PDE4D: variants seen among roughly 807,000 people sequenced by gnomAD.
PDE4D encodes phosphodiesterase 4D.
Under a neutral mutation model 87.4 loss-of-function variants are expected in PDE4D, and 24 were observed. The observed-to-expected ratio is 0.27, with a 90% CI of 0.20 to 0.39. The LOEUF (loss-of-function observed/expected upper bound fraction) is 0.39, where lower values mean the gene tolerates loss of function less well. PDE4D is among the 10% of genes least tolerant of loss of function. The pLI, the probability that PDE4D is intolerant of heterozygous loss-of-function variation, is 1.00. For synonymous variants in PDE4D, 384 were observed against 383.2 expected (o/e 1.00, Z -0.02); for missense variants, 714 against 1,041.0 (o/e 0.69, Z 4.32).
intron 1 of PDE4D, among the ~76,000 whole-genome samples, chr5:60,260,684 T>A (rs1405221640): frequency 1.3e-5 from 2 of 152,086 alleles, no homozygotes; most frequent in African/African-American, 4.8e-5. Flanking sequence ...TTTACATGGA[T>A]GCAGCGCTGT....
intron 1 of PDE4D, among the ~76,000 whole-genome samples, chr5:59,736,133 T>A (rs1224144810): frequency 1.3e-5 from 2 of 150,868 alleles, no homozygotes; most frequent in African/African-American, 2.4e-5. Flanking sequence ...AATAATAAAT[T>A]AATTAATTAA....
intron 1 of PDE4D, among the ~76,000 whole-genome samples, chr5:59,824,656 A>G (rs548270314): frequency 6.6e-6 from 1 of 152,342 alleles, no homozygotes; most frequent in African/African-American, 2.4e-5. Context: ...CTTATTTAAT[A>G]ATGTAAGTAT....
chr5:60,426,244 G>C (rs191029505), intron 1 of PDE4D, among the ~76,000 whole-genome samples: 2 of 152,072 alleles, frequency 1.3e-5, no homozygotes, highest in African/African-American at 4.8e-5. Flanking sequence ...TGTCTATTGC[G>C]GCACTATTCA....
intron 1 of PDE4D, among the ~76,000 whole-genome samples, chr5:60,257,524 C>CCTT (rs1749218650): frequency 6.6e-6 from 1 of 151,852 alleles, no homozygotes; most frequent in South Asian, 2.1e-4. Flanking sequence ...TCAAAGGAGC[C>CCTT]CTTAGCTTAT....
At chr5:60,300,836 G>A (rs754821114) in intron 1 of PDE4D, among the ~76,000 whole-genome samples, 4 of 151,724 alleles carry the variant, frequency 2.6e-5, no homozygotes, top group Admixed American at 1.3e-4. Context: ...GCAGTGGCAC[G>A]ATCTCAGCTC....
intron 1 of PDE4D, among the ~76,000 whole-genome samples, chr5:59,571,517 C>T (rs540353202): frequency 1.3e-5 from 2 of 152,290 alleles, no homozygotes; most frequent in East Asian, 1.9e-4. Flanking sequence ...CTTCAATATT[C>T]TTTTGAAGTG....
rs190046621 is a variant in PDE4D at position 59,154,816 on chromosome 5, G to A, written c.808+25779C>T. On this transcript the variant is annotated intron_variant, in intron 5 of 14. Coordinates refer to ENST00000340635, the MANE Select transcript of PDE4D (RefSeq NM_001104631.2). ...CACAAGAATTGCTTGAACCCAGGAG[G>A]TGGAGGTTACAGTGAGCTTAAATCT... 2.0e-3 allele frequency among the ~76,000 whole-genome samples: 304 copies of A among 152,276 alleles called. 2 individuals carry two copies. Among genetic ancestry groups the A allele is most frequent in the African/African-American group, 6.8e-3 (284 of 41,566 alleles).
intron 1 of PDE4D, among the ~76,000 whole-genome samples, chr5:60,402,667 G>A (rs1055645589): frequency 6.6e-6 from 1 of 152,180 alleles, no homozygotes; most frequent in African/African-American, 2.4e-5. Context: ...ACCCAGTTTT[G>A]AAGATCACGT....
At chr5:59,281,961 A>G (rs73110711) in intron 1 of PDE4D, among the ~76,000 whole-genome samples, 3,478 of 152,310 alleles carry the variant, frequency 0.023, 135 homozygotes, top group African/African-American at 0.078. Context: ...TCCATCATCA[A>G]TTCTTTCAAA....
chr5:59,771,427 AAAAGAAAAAG>A (rs1377966218), intron 1 of PDE4D, among the ~76,000 whole-genome samples: 1 of 122,214 alleles, frequency 8.2e-6, no homozygotes, highest in Non-Finnish European at 1.7e-5. Context: ...GAAAGAAAGA[AAAAGAAAAAG>A]AAAGAAAGAA....
intron 1 of PDE4D, among the ~76,000 whole-genome samples, chr5:59,664,448 A>AAC (rs1216137180): frequency 6.6e-6 from 1 of 152,220 alleles, no homozygotes; most frequent in Admixed American, 6.5e-5. Flanking sequence ...CATATATATT[A>AAC]TTTCATTTTA....
intron 1 of PDE4D, among the ~76,000 whole-genome samples, chr5:59,229,326 T>C (rs1754611172): frequency 6.6e-6 from 1 of 152,208 alleles, no homozygotes; most frequent in Non-Finnish European, 1.5e-5. Flanking sequence ...CTACTTTAAA[T>C]AAACTTCATA....
chr5:59,351,833 G>T (rs1209511665), intron 1 of PDE4D, among the ~76,000 whole-genome samples: 1 of 152,044 alleles, frequency 6.6e-6, no homozygotes, highest in Non-Finnish European at 1.5e-5. Flanking sequence ...AACAAATTAC[G>T]TGGTGTTCTG....
intron 1 of PDE4D, among the ~76,000 whole-genome samples, chr5:59,252,818 C>T (rs1450191346): frequency 6.6e-6 from 1 of 152,130 alleles, no homozygotes; most frequent in African/African-American, 2.4e-5. Flanking sequence ...TGAGCTACTG[C>T]ACCCACCCAG....
intron 1 of PDE4D, among the ~76,000 whole-genome samples, chr5:60,370,129 G>A (rs1177158289): frequency 6.6e-6 from 1 of 152,122 alleles, no homozygotes; most frequent in Non-Finnish European, 1.5e-5. Context: ...AGAGTGGCTA[G>A]GCCAGAAAGC....
chr5:60,036,474 G>T (rs1459561640), intron 2 of PDE4D, among the ~76,000 whole-genome samples: 2 of 152,168 alleles, frequency 1.3e-5, no homozygotes, highest in African/African-American at 2.4e-5. Context: ...ATAGTGAAAA[G>T]GTGTTGGTGA....
intron 1 of PDE4D, among the ~76,000 whole-genome samples, chr5:59,268,616 C>T (rs1239748803): frequency 6.6e-6 from 1 of 151,988 alleles, no homozygotes; most frequent in Non-Finnish European, 1.5e-5. Flanking sequence ...TATTGGATCA[C>T]CTCTGGAAAG....
chr5:60,207,278 A>G (rs1464096423), intron 1 of PDE4D, among the ~76,000 whole-genome samples: 1 of 152,212 alleles, frequency 6.6e-6, no homozygotes. Context: ...AAATAACCTA[A>G]GATGGTTAAG....
At chr5:60,435,857 C>A (rs1293323466) in intron 1 of PDE4D, among the ~76,000 whole-genome samples, 2 of 151,996 alleles carry the variant, frequency 1.3e-5, no homozygotes, top group African/African-American at 4.8e-5. Context: ...GAGTGTTCTT[C>A]CATTGCAGAC....
Sources: allele counts gnomAD v4.1 joint callset (sites outside exome capture counted in the v4.1 genomes callset), GRCh38; gene constraint gnomAD v4.1.1; transcripts MANE v1.5; gene names NCBI Gene and HGNC (gene_info 2026-07-23, HGNC 2026-07-21).